TBC1D22A: variants seen among roughly 807,000 people sequenced by gnomAD.
TBC1D22A encodes the protein TBC1 domain family member 22A.
Under a neutral mutation model 60.2 loss-of-function variants are expected in TBC1D22A, and 38 were observed. The ratio of observed to expected loss-of-function variants is 0.63; its 90% CI spans 0.49 to 0.83. TBC1D22A has a LOEUF of 0.83. Ranked by LOEUF, TBC1D22A falls within the 40% of genes least tolerant of loss-of-function variation. TBC1D22A has a pLI of 0.00. For missense variants in TBC1D22A, 628 were observed against 701.0 expected, an observed-to-expected ratio of 0.90 and a Z score of 1.18; for synonymous variants, 302 against 281.7, an observed-to-expected ratio of 1.07 and a Z score of -0.72.
chr22:47,130,081 C>T (rs1295379675), intron 12 of TBC1D22A, among the ~76,000 whole-genome samples: 2 of 152,208 alleles, frequency 1.3e-5, no homozygotes, highest in African/African-American at 4.8e-5. Context: ...GTGTCAGCGT[C>T]ACTGCCGCTG....
chr22:46,943,211 C>A (rs956644404), intron 8 of TBC1D22A, among the ~76,000 whole-genome samples: 1 of 152,046 alleles, frequency 6.6e-6, no homozygotes, highest in African/African-American at 2.4e-5. Flanking sequence ...TCCTCCCAGC[C>A]TCCCCGCGGC....
chr22:46,771,436 A>G lies in TBC1D22A; in HGVS notation c.62+8588A>G, dbSNP rs554113932. On this transcript the variant is annotated intron_variant, in intron 1 of 12. Transcript: ENST00000337137. ...TTGTGAGATTTGGGTGCACCTGAGC[A>G]GTATACACTGAACAGTGTATACTGA... Among the ~76,000 whole-genome samples, 3 of 152,220 alleles carry G rather than the reference A, an allele frequency of 2.0e-5. No homozygotes were observed. The South Asian group carries it at 6.2e-4, about 32-fold the overall frequency.
chr22:46,792,621 G>A, intron 2 of TBC1D22A, 45 bp downstream of exon 2: 1 of 1,614,148 alleles, frequency 6.2e-7, no homozygotes, highest in Non-Finnish European at 8.5e-7. Flanking sequence ...CTCTGATATG[G>A]GAGGGCTGTG....
intron 11 of TBC1D22A, among the ~76,000 whole-genome samples, chr22:47,070,036 C>T (rs1022300550): frequency 1.4e-5 from 2 of 139,054 alleles, no homozygotes; most frequent in Non-Finnish European, 3.0e-5. Context: ...TGGAGCGGAG[C>T]TGACCTGATG....
intron 4 of TBC1D22A, among the ~76,000 whole-genome samples, chr22:46,849,991 G>A (rs2087196348): frequency 6.6e-6 from 1 of 152,190 alleles, no homozygotes; most frequent in Admixed American, 6.5e-5. Context: ...GCTACCTGGG[G>A]AACATTTGGA....
At chr22:47,131,443 G>A (rs971669208) in intron 12 of TBC1D22A, among the ~76,000 whole-genome samples, 3 of 152,204 alleles carry the variant, frequency 2.0e-5, no homozygotes, top group Admixed American at 1.3e-4. Context: ...TTGAGCTGAC[G>A]CTTCTGTGGG....
intron 5 of TBC1D22A, among the ~76,000 whole-genome samples, chr22:46,888,988 G>A (rs2068258748): frequency 6.6e-6 from 1 of 152,226 alleles, no homozygotes; most frequent in Admixed American, 6.5e-5. Context: ...ACAGGTGTGA[G>A]CTACCGCGTC....
intron 8 of TBC1D22A, among the ~76,000 whole-genome samples, chr22:46,932,499 G>A (rs1223691137): frequency 6.6e-6 from 1 of 152,160 alleles, no homozygotes; most frequent in Non-Finnish European, 1.5e-5. Flanking sequence ...TTTTCCTCAG[G>A]TTTAGGAATA....
intron 8 of TBC1D22A, among the ~76,000 whole-genome samples, chr22:46,950,310 G>A (rs136075): frequency 0.01 from 1,546 of 152,290 alleles, 13 homozygotes; most frequent in Non-Finnish European, 0.014. Flanking sequence ...TGAGTGGCTG[G>A]TAGGAGAGGT....
intron 11 of TBC1D22A, among the ~76,000 whole-genome samples, chr22:47,049,177 C>T (rs769840489): frequency 6.6e-6 from 1 of 152,252 alleles, no homozygotes; most frequent in Non-Finnish European, 1.5e-5. Context: ...CCAGGCCCTA[C>T]ATGACCAGGC....
chr22:46,803,209 C>T (rs1214561391), intron 4 of TBC1D22A, among the ~76,000 whole-genome samples: 1 of 152,130 alleles, frequency 6.6e-6, no homozygotes, highest in East Asian at 1.9e-4. Context: ...GATTGCTGGC[C>T]TTATCGCTGG....
At chr22:47,070,227 A>G (rs1165286087) in intron 11 of TBC1D22A, among the ~76,000 whole-genome samples, 1 of 137,216 alleles carries the variant, frequency 7.3e-6, no homozygotes, top group East Asian at 2.3e-4. Flanking sequence ...GTTGGAGCGG[A>G]GCTGACCTGA....
In TBC1D22A at chr22:46,941,637, C is replaced by CG. The variant is rs1569248843; in HGVS notation, c.1015+29451dup. ...AATATATATACGGAATATATATACG[C>CG]GGAATATATATACGGAATATATATA... is the stretch of plus-strand genomic sequence containing the variant. On this transcript the variant is annotated intron_variant, in intron 8 of 12. Coordinates refer to ENST00000337137, the MANE Select transcript of TBC1D22A (RefSeq NM_014346.5). Among the ~76,000 whole-genome samples, 8 of 139,644 alleles carry CG rather than the reference C, an allele frequency of 5.7e-5. No individual in the cohort carries two copies. The East Asian group carries it at 6.1e-4, about 11-fold the overall frequency. The allele number at this position is 139,644 out of a possible 152,430, so 91.6% of individuals were successfully genotyped here.
intron 12 of TBC1D22A, among the ~76,000 whole-genome samples, chr22:47,128,424 T>C (rs1055795822): frequency 1.5e-5 from 2 of 135,360 alleles, no homozygotes; most frequent in African/African-American, 2.9e-5. Context: ...CTGGTCCTTC[T>C]GTGTTCCGTC....
chr22:46,999,140 G>A (rs1478598453), intron 10 of TBC1D22A, among the ~76,000 whole-genome samples: 1 of 152,220 alleles, frequency 6.6e-6, no homozygotes, highest in South Asian at 2.1e-4. Flanking sequence ...GTTAGTGCTC[G>A]TTTGTTCCGG....
intron 8 of TBC1D22A, among the ~76,000 whole-genome samples, chr22:46,952,803 C>T (rs543029022): frequency 2.6e-5 from 4 of 152,196 alleles, no homozygotes; most frequent in Non-Finnish European, 5.9e-5. Flanking sequence ...ATTGTTGGTA[C>T]CAGAGCTGAC....
rs186458868 is a variant in TBC1D22A at position 46,879,355 on chromosome 22, C to G, written c.708+632C>G. Among the ~76,000 whole-genome samples the G allele has an allele frequency of 8.2e-4, 125 of 152,158 alleles. 1 individual carries two copies. The East Asian group carries it at 0.021, about 25-fold the overall frequency. On this transcript the variant is annotated intron_variant, in intron 5 of 12. Transcript: ENST00000337137. ...CCTCGTACACTTAGCTCAGGCTTGC[C>G]GTTGGAAGTGAGTTTGGCCCTGCCC...
chr22:46,894,157 C>CG (rs1465804201), intron 6 of TBC1D22A, among the ~76,000 whole-genome samples: 5 of 152,146 alleles, frequency 3.3e-5, no homozygotes, highest in Non-Finnish European at 7.4e-5. Flanking sequence ...CGTGGGATGT[C>CG]GGGAGCCTGC....
intron 10 of TBC1D22A, among the ~76,000 whole-genome samples, chr22:47,005,160 C>T (rs1486984642): frequency 6.6e-6 from 1 of 151,808 alleles, no homozygotes; most frequent in Non-Finnish European, 1.5e-5. Context: ...CCTGTATATA[C>T]ACATACCACT....
Sources: gnomAD v4.1 joint callset for allele counts (sites outside exome capture counted in the v4.1 genomes callset) on GRCh38, gnomAD v4.1.1 for gene constraint, MANE v1.5 for transcripts, NCBI Gene and HGNC (gene_info 2026-07-23, HGNC 2026-07-21) for gene names.